Variants in MYO1D observed in about 807,000 individuals in gnomAD.
MYO1D encodes the protein myosin ID.
Under a neutral mutation model 122.0 loss-of-function variants are expected in MYO1D, and 83 were observed. That is an observed-to-expected ratio of 0.68 (90% CI 0.57 to 0.82). MYO1D has a LOEUF of 0.82. Among genes scored for constraint, MYO1D ranks in the 40% least tolerant of loss-of-function variants. MYO1D has a pLI of 0.00. For synonymous variants in MYO1D, 464 were observed against 446.9 expected (o/e 1.04, Z -0.48); for missense variants, 1,157 against 1,269.5 (o/e 0.91, Z 1.35).
chr17:32,642,811 A>C (rs2088223204), intron 19 of MYO1D, among the ~76,000 whole-genome samples: 1 of 152,186 alleles, frequency 6.6e-6, no homozygotes, highest in African/African-American at 2.4e-5. Context: ...TTATCAGCTT[A>C]AGGAGATTTT....
chr17:32,566,849 A>C (rs2087178940), intron 21 of MYO1D, among the ~76,000 whole-genome samples: 1 of 59,006 alleles, frequency 1.7e-5, no homozygotes, highest in Non-Finnish European at 3.4e-5. Flanking sequence ...CTTTTTAACC[A>C]AATCAGGCAG....
chr17:32,874,815 A>G (rs1484962531), intron 1 of MYO1D, among the ~76,000 whole-genome samples: 3 of 152,108 alleles, frequency 2.0e-5, no homozygotes, highest in African/African-American at 7.2e-5. Flanking sequence ...TTCTGTACAC[A>G]TAGGAGTTGT....
intron 21 of MYO1D, among the ~76,000 whole-genome samples, chr17:32,538,448 A>C (rs914463307): frequency 1.4e-5 from 2 of 142,464 alleles, no homozygotes; most frequent in Non-Finnish European, 3.0e-5. Context: ...CTGCACCTGG[A>C]TAATTATTAT....
intron 19 of MYO1D, among the ~76,000 whole-genome samples, chr17:32,647,096 T>C (rs545994570): frequency 6.6e-6 from 1 of 152,344 alleles, no homozygotes; most frequent in East Asian, 1.9e-4. Flanking sequence ...ACAAGTGATC[T>C]GTCTATAGGT....
At chr17:32,565,721 AGAGT>A (rs2087166825) in intron 21 of MYO1D, among the ~76,000 whole-genome samples, 1 of 101,202 alleles carries the variant, frequency 9.9e-6, no homozygotes, top group Non-Finnish European at 2.1e-5. Flanking sequence ...CACCTGTTTC[AGAGT>A]GTGTGTGTTT....
At chr17:32,666,586 A>C (rs575203628) in intron 16 of MYO1D, among the ~76,000 whole-genome samples, 31 of 151,506 alleles carry the variant, frequency 2.0e-4, no homozygotes, top group African/African-American at 7.1e-4. Context: ...TAAACTTTGC[A>C]AAAAAAAGTA....
chr17:32,542,992 C>T (rs1319518962), intron 21 of MYO1D, among the ~76,000 whole-genome samples: 3 of 152,108 alleles, frequency 2.0e-5, no homozygotes, highest in Admixed American at 6.6e-5. Flanking sequence ...TTTGGAAGGC[C>T]GAGGCAGGTG....
chr17:32,848,484 C>A (rs2090957367), intron 1 of MYO1D, among the ~76,000 whole-genome samples: 1 of 152,064 alleles, frequency 6.6e-6, no homozygotes, highest in Non-Finnish European at 1.5e-5. Flanking sequence ...AAAACATTAC[C>A]AAAACATTAA....
chr17:32,763,657 C>T (rs929167235), intron 8 of MYO1D, among the ~76,000 whole-genome samples: 7 of 152,296 alleles, frequency 4.6e-5, no homozygotes, highest in African/African-American at 1.4e-4. Context: ...CGGTGGCTCA[C>T]GCCTGTAATC....
intron 1 of MYO1D, among the ~76,000 whole-genome samples, chr17:32,799,560 A>C (rs1039439755): frequency 1.3e-5 from 2 of 152,212 alleles, no homozygotes; most frequent in African/African-American, 4.8e-5. Flanking sequence ...CTTAAGCATA[A>C]GACCTGAACC....
chr17:32,524,197 G>A (rs139468301), intron 21 of MYO1D, among the ~76,000 whole-genome samples: 1 of 152,274 alleles, frequency 6.6e-6, no homozygotes, highest in Non-Finnish European at 1.5e-5. Flanking sequence ...TATATGCATC[G>A]TTTTGAATTT....
intron 21 of MYO1D, among the ~76,000 whole-genome samples, chr17:32,540,842 C>T (rs1464737019): frequency 6.7e-6 from 1 of 148,228 alleles, no homozygotes; most frequent in African/African-American, 2.5e-5. Flanking sequence ...AGGAGAATTG[C>T]TTGAACCTGT....
chr17:32,594,403 T>C, intron 21 of MYO1D: 1 of 423,568 alleles, frequency 2.4e-6, no homozygotes, highest in Non-Finnish European at 4.2e-6. Context: ...TTAATGTTGA[T>C]TTACATTTTA....
At chr17:32,748,398 T>C (rs977187432) in intron 12 of MYO1D, among the ~76,000 whole-genome samples, 1 of 152,076 alleles carries the variant, frequency 6.6e-6, no homozygotes, top group African/African-American at 2.4e-5. Flanking sequence ...TTCATTCCCC[T>C]GACTAACCCT....
chr17:32,755,026 T>C (rs1215666154), intron 11 of MYO1D, among the ~76,000 whole-genome samples: 1 of 152,220 alleles, frequency 6.6e-6, no homozygotes, highest in East Asian at 1.9e-4. Context: ...AACTAGAATC[T>C]CTCTGTTTTC....
chr17:32,875,846 A>G (rs1163808559), intron 1 of MYO1D, among the ~76,000 whole-genome samples: 1 of 152,242 alleles, frequency 6.6e-6, no homozygotes, highest in Non-Finnish European at 1.5e-5. Context: ...GCAGGGAAAC[A>G]TACACACGCA....
chr17:32,547,669 C>G (rs907966256), intron 21 of MYO1D, among the ~76,000 whole-genome samples: 19 of 152,266 alleles, frequency 1.2e-4, no homozygotes, highest in African/African-American at 4.3e-4. Flanking sequence ...TATAGTAGCT[C>G]AGCGCAGTGG....
rs570212669 is a variant in MYO1D, at chr17:32,771,079, T to C, written c.714+46A>G. The C allele has an allele frequency of 2.8e-6, 4 of 1,426,594 alleles. No individual in the cohort carries two copies. The Admixed American group carries it at 6.8e-5, about 24-fold the overall frequency. The allele number at this position is 1,426,594 out of a possible 1,614,324, so 88.4% of individuals were successfully genotyped here. On this transcript the variant is annotated intron_variant, in intron 6 of 21. Coordinates refer to ENST00000318217, the MANE Select transcript of MYO1D (RefSeq NM_015194.3). Reference sequence around the variant, plus strand: ...AATTATTGAATGTCTCTTCTAATCCTTTGACTGATTTTCTATTGGAGCAAT... The same window carrying C: ...AATTATTGAATGTCTCTTCTAATCCCTTGACTGATTTTCTATTGGAGCAAT...
chr17:32,496,841 G>A (rs1909133732), intron 21 of MYO1D: 1 of 152,332 alleles, frequency 6.6e-6, no homozygotes, highest in African/African-American at 2.4e-5. Context: ...TACACAGTGG[G>A]TTCCAGAATC....
Sources: allele counts gnomAD v4.1 joint callset (sites outside exome capture counted in the v4.1 genomes callset), GRCh38; gene constraint gnomAD v4.1.1; transcripts MANE v1.5; gene names NCBI Gene and HGNC (gene_info 2026-07-23, HGNC 2026-07-21).